SPAG1: variants seen among roughly 807,000 people sequenced by gnomAD.
The protein encoded by SPAG1 is sperm associated antigen 1.
In SPAG1, 69 loss-of-function variants were observed where a neutral mutation model predicts 100.5. That is an observed-to-expected ratio of 0.69 (90% CI 0.57 to 0.84). SPAG1 has a LOEUF of 0.84. Ranked by LOEUF, SPAG1 falls within the 40% of genes least tolerant of loss-of-function variation. The probability of loss-of-function intolerance (pLI) is 0.00; values close to 1 mark genes in which losing one functional copy is unlikely to be tolerated. For synonymous variants in SPAG1, 336 were observed against 411.6 expected, an observed-to-expected ratio of 0.82 and a Z score of 2.22; for missense variants, 955 against 1,133.1, an observed-to-expected ratio of 0.84 and a Z score of 2.26.
chr8:100,221,756 G>A (rs1818291832), intron 13 of SPAG1, among the ~76,000 whole-genome samples: 1 of 152,184 alleles, frequency 6.6e-6, no homozygotes, highest in Non-Finnish European at 1.5e-5. Context: ...CACTTGAAGG[G>A]GGCTTTGAAG....
intron 7 of SPAG1, 103 bp from the exon 8 acceptor site, chr8:100,187,017 A>G: frequency 8.9e-7 from 1 of 1,123,312 alleles, no homozygotes; most frequent in Non-Finnish European, 1.3e-6. Context: ...AATTCAGCCC[A>G]TAGACAGGTT....
At chr8:100,187,805 T>C (rs1034445816) in intron 8 of SPAG1, among the ~76,000 whole-genome samples, 2 of 152,192 alleles carry the variant, frequency 1.3e-5, no homozygotes, top group African/African-American at 4.8e-5. Context: ...TTCTCCCAGC[T>C]TCTTTGTGGA....
chr8:100,198,900 G>A (rs993573291), intron 10 of SPAG1, among the ~76,000 whole-genome samples: 3 of 152,090 alleles, frequency 2.0e-5, no homozygotes, highest in Non-Finnish European at 4.4e-5. Context: ...TTTTGTATCT[G>A]TCTTTCACTT....
intron 16 of SPAG1, among the ~76,000 whole-genome samples, chr8:100,235,846 CT>C (rs908694775): frequency 6.6e-6 from 1 of 151,170 alleles, no homozygotes; most frequent in Admixed American, 6.6e-5. Context: ...CGCCGGCCCT[CT>C]TTTTTTTTGG....
At chr8:100,211,212 C>CAGCT (rs1197039620) in intron 10 of SPAG1, among the ~76,000 whole-genome samples, 25 of 152,340 alleles carry the variant, frequency 1.6e-4, no homozygotes, top group African/African-American at 5.0e-4. Context: ...ACCCTCTGAA[C>CAGCT]AGCTCCATTG....
intron 12 of SPAG1, among the ~76,000 whole-genome samples, chr8:100,215,688 C>A (rs540473751): frequency 1.8e-4 from 28 of 152,306 alleles, no homozygotes; most frequent in African/African-American, 6.3e-4. Context: ...CCATGCCCGG[C>A]TAATTTTTTG....
chr8:100,158,320 T>G (rs1007871047), upstream of SPAG1: 2 of 152,228 alleles, frequency 1.3e-5, no homozygotes, highest in African/African-American at 4.8e-5. Context: ...GTGGCGGGTG[T>G]CGGGGCGCGG....
At chr8:100,213,698 G>A (rs1586498345) in intron 11 of SPAG1, 121 bp from the exon 12 acceptor site, 1 of 647,308 alleles carries the variant, frequency 1.5e-6, no homozygotes, top group Admixed American at 3.0e-5. Context: ...GTGGAGTTCT[G>A]CATGATCAGT....
intron 3 of SPAG1, among the ~76,000 whole-genome samples, chr8:100,172,161 G>A (rs1025788864): frequency 2.0e-5 from 3 of 152,062 alleles, no homozygotes; most frequent in African/African-American, 7.2e-5. Context: ...CCTTTTAAAT[G>A]TTGTGTGTGG....
rs768811039 is a variant in SPAG1 at position 100,191,504 on chromosome 8, T to C, written c.939+8T>C. 6.4e-6 allele frequency: 10 copies of C among 1,563,184 alleles called. No homozygotes were observed. Among genetic ancestry groups the C allele is most frequent in the East Asian group, 2.2e-5 (1 of 44,592 alleles). ...GATAATGATTTGGCCAAGGTAAGTA[T>C]AGAATGTGATTTCTCACCTAATTCT... On this transcript the variant is annotated splice_region_variant and intron_variant, in intron 9 of 18. Transcript: ENST00000388798.
At chr8:100,177,979 G>A (rs1446436618) in intron 4 of SPAG1, 38 bp downstream of exon 4, 2 of 1,579,592 alleles carry the variant, frequency 1.3e-6, no homozygotes, top group African/African-American at 2.7e-5. Flanking sequence ...GGTAGCAGGA[G>A]AGGATTGCTG....
At chr8:100,238,098 C>T (rs1819089542) in intron 16 of SPAG1, among the ~76,000 whole-genome samples, 1 of 152,136 alleles carries the variant, frequency 6.6e-6, no homozygotes, top group Non-Finnish European at 1.5e-5. Context: ...TTATTACTTC[C>T]TCAACTTGCC....
chr8:100,240,670 T>C lies in SPAG1; in HGVS notation c.2548T>C (p.Phe850Leu), dbSNP rs958028536. ...FLSNKLEGDT[F>L]LLLIQSLKNN... is the part of the protein sequence containing the mutation. ...AAGTAACAAACTTGAAGGGGATACA[T>C]TCCTTCTCCTCATTCAGTCTCTGAA... The change falls in exon 18 of 19, where the codon TTC becomes CTC. Residue 850 changes from phenylalanine to leucine, a missense_variant. Phe to Leu is a conservative substitution (Grantham distance 22). Transcript: ENST00000388798. 6.2e-7 allele frequency: 1 copy of C among 1,614,100 alleles called. No individual in the cohort carries two copies. The highest frequency in any genetic ancestry group is 2.2e-5 in the East Asian group (1 of 44,888).
intron 12 of SPAG1, among the ~76,000 whole-genome samples, chr8:100,219,605 T>C (rs1818169466): frequency 6.6e-6 from 1 of 152,242 alleles, no homozygotes. Flanking sequence ...GTTTTTTTAT[T>C]GTTTTACTTC....
In SPAG1 at chr8:100,240,915, G is replaced by A. The variant is rs762395970; in HGVS notation, c.2674G>A (p.Gly892Ser). The change falls in exon 19 of 19, where the codon GGC becomes AGC. Residue 892 changes from glycine (G) to serine (S), a missense_variant. By Grantham distance (56) the Gly-to-Ser change is moderately conservative. Transcript: ENST00000388798. ...GATGATGTTGACACTAATTAGCAAGGGCCAAAAGGAGCTAATTGAACAGCT... is the reference window on the plus strand; with the variant it reads ...GATGATGTTGACACTAATTAGCAAGAGCCAAAAGGAGCTAATTGAACAGCT... ...FKMMLTLISK[G>S]QKELIEQLFE... is the part of the protein sequence containing the mutation. The A allele has an allele frequency of 1.2e-6, 2 of 1,609,962 alleles. No individual in the cohort carries two copies. Among genetic ancestry groups the A allele is most frequent in the Non-Finnish European group, 1.7e-6 (2 of 1,178,720 alleles).
intron 7 of SPAG1, among the ~76,000 whole-genome samples, chr8:100,186,066 T>TC (rs1816574438): frequency 1.4e-5 from 2 of 143,648 alleles, no homozygotes; most frequent in Admixed American, 1.4e-4. Context: ...GATTCTTTTT[T>TC]TTTTTTTTTT....
intron 5 of SPAG1, 27 bp downstream of exon 5, chr8:100,183,463 A>G: frequency 8.5e-7 from 1 of 1,172,328 alleles, no homozygotes; most frequent in Non-Finnish European, 1.2e-6. Context: ...TTTATATAAA[A>G]TGTATCACTA....
At position 100,219,549 on chromosome 8, in the gene SPAG1, G is replaced by A. The variant is rs1048493018; in HGVS notation, c.1536-730G>A. On this transcript the variant is annotated intron_variant, in intron 12 of 18. Transcript: ENST00000388798. ...TTAACATATTTTCAGTTTACCATGG[G>A]ATTATTGGGACATAACCATATTGTA... Among the ~76,000 whole-genome samples, 6 of 152,274 alleles carry A rather than the reference G, an allele frequency of 3.9e-5. No homozygotes were observed. The Middle Eastern group carries it at 0.014, about 345-fold the overall frequency.
At chr8:100,240,085 G>A (rs936924313) in intron 17 of SPAG1, among the ~76,000 whole-genome samples, 2 of 152,080 alleles carry the variant, frequency 1.3e-5, no homozygotes, top group Non-Finnish European at 2.9e-5. Flanking sequence ...AGCAATGTAA[G>A]TTCATTTCTC....
Sources: allele counts gnomAD v4.1 joint callset (sites outside exome capture counted in the v4.1 genomes callset), GRCh38; gene constraint gnomAD v4.1.1; transcripts MANE v1.5; gene names NCBI Gene and HGNC (gene_info 2026-07-23, HGNC 2026-07-21).